AACS: variants seen among roughly 807,000 people sequenced by gnomAD.
The protein encoded by AACS is acetoacetyl-CoA synthetase.
In AACS, 69 loss-of-function variants were observed where a neutral mutation model predicts 83.1. The ratio of observed to expected loss-of-function variants is 0.83; its 90% CI spans 0.68 to 1.01. The LOEUF (loss-of-function observed/expected upper bound fraction) is 1.01. AACS is among the 50% of genes least tolerant of loss of function. The pLI, the probability that AACS is intolerant of heterozygous loss-of-function variation, is 0.00. For synonymous variants in AACS, 333 were observed against 343.4 expected (o/e 0.97, Z 0.33); for missense variants, 866 against 882.2 (o/e 0.98, Z 0.23).
chr12:125,089,606 C>T (rs1188855775), intron 4 of AACS, among the ~76,000 whole-genome samples: 4 of 152,112 alleles, frequency 2.6e-5, no homozygotes, highest in African/African-American at 4.8e-5. Flanking sequence ...GAATATGGCT[C>T]TTGACAGTAC....
At chr12:125,101,646 ACACT>A (rs1342782438) in intron 5 of AACS, 1 of 151,992 alleles carries the variant, frequency 6.6e-6, no homozygotes, top group Non-Finnish European at 1.5e-5. Flanking sequence ...GTGTAAACAC[ACACT>A]CTATACTCTT....
chr12:125,076,594 T>C lies in AACS; in HGVS notation c.341T>C (p.Val114Ala). 1 of 1,614,010 alleles carries C rather than the reference T, an allele frequency of 6.2e-7. No individual in the cohort carries two copies. ...NLLRHKENDR[V>A]ALYIAREGKE... ...CTGCGGCACAAAGAGAATGACAGAGTTGCCCTTTACATTGCAAGTAAGTCC... is the reference window on the plus strand; with the variant it reads ...CTGCGGCACAAAGAGAATGACAGAGCTGCCCTTTACATTGCAAGTAAGTCC... Residue 114 changes from valine to alanine, a missense_variant, in exon 3 of 18, where the codon GTT (valine) becomes GCT (alanine). By Grantham distance (64) the Val-to-Ala change is moderately conservative. Coordinates refer to ENST00000316519, the MANE Select transcript of AACS (RefSeq NM_023928.5).
At chr12:125,109,727 A>G (rs1466029430) in intron 8 of AACS, among the ~76,000 whole-genome samples, 2 of 152,176 alleles carry the variant, frequency 1.3e-5, no homozygotes, top group East Asian at 1.9e-4. Flanking sequence ...GTGGCACGTC[A>G]GTCGTCAGGT....
intron 5 of AACS, among the ~76,000 whole-genome samples, chr12:125,096,872 T>G (rs1184802511): frequency 1.8e-4 from 28 of 151,930 alleles, no homozygotes; most frequent in Admixed American, 1.8e-3. Context: ...TTTAGATGCC[T>G]TGTTCCAGTG....
Position 125,103,161 on chromosome 12 carries a change from A to G in AACS, c.767+80A>G, listed in dbSNP as rs562015159. On this transcript the variant is annotated intron_variant, in intron 7 of 17. Coordinates refer to ENST00000316519, the MANE Select transcript of AACS (RefSeq NM_023928.5). Reference sequence around the variant, plus strand: ...GGGGAAGTAGGCCTCTGGATCTTCTACTTGGGGTCACTCAGAGAATTTTAG... The same window carrying G: ...GGGGAAGTAGGCCTCTGGATCTTCTGCTTGGGGTCACTCAGAGAATTTTAG... 6.5e-5 allele frequency: 76 copies of G among 1,164,900 alleles called. No individual in the cohort carries two copies. The African/African-American group carries it at 1.2e-3, about 18-fold the overall frequency. 72.2% of individuals were successfully genotyped at this position (1,164,900 alleles called of 1,614,324 possible).
At chr12:125,119,706 G>T (rs901086563) in intron 10 of AACS, among the ~76,000 whole-genome samples, 1 of 152,208 alleles carries the variant, frequency 6.6e-6, no homozygotes. Flanking sequence ...GACACATGGG[G>T]ATTATAGGAG....
At chr12:125,114,589 A>T (rs1460074470) in intron 9 of AACS, 32 bp downstream of exon 9, 1 of 1,591,220 alleles carries the variant, frequency 6.3e-7, no homozygotes, top group Non-Finnish European at 8.6e-7. Flanking sequence ...GGCCTGTGCT[A>T]TACCACAATA....
intron 14 of AACS, 88 bp from the exon 15 acceptor site, chr12:125,133,915 T>A (rs1332700384): frequency 1.5e-6 from 2 of 1,354,198 alleles, no homozygotes; most frequent in African/African-American, 1.4e-5. Flanking sequence ...CCCAGTGATG[T>A]CTGCGGACCT....
At chr12:125,088,913 C>T (rs1196914898) in intron 4 of AACS, among the ~76,000 whole-genome samples, 1 of 152,174 alleles carries the variant, frequency 6.6e-6, no homozygotes, top group African/African-American at 2.4e-5. Context: ...CCAGAAAACA[C>T]TAGAAAATGA....
chr12:125,128,421 C>A, intron 13 of AACS, 147 bp downstream of exon 13: 1 of 660,502 alleles, frequency 1.5e-6, no homozygotes, highest in Non-Finnish European at 2.4e-6. Context: ...GATGTCCTTT[C>A]CCTCCAGCTT....
Position 125,142,415 on chromosome 12 carries a change from T to A in AACS, c.*186T>A. On this transcript the variant is annotated 3_prime_UTR_variant, in exon 18 of 18. Coordinates refer to ENST00000316519, the MANE Select transcript of AACS (RefSeq NM_023928.5). ...TGGGTACCTGGATCTTCCACACGAGTGGGATTCTGGCCTTCAGAGACCAGG... is the reference window on the plus strand; with the variant it reads ...TGGGTACCTGGATCTTCCACACGAGAGGGATTCTGGCCTTCAGAGACCAGG... The A allele has an allele frequency of 1.3e-6, 1 of 794,928 alleles. No individual in the cohort carries two copies. Among genetic ancestry groups the A allele is most frequent in the Non-Finnish European group, 1.9e-6 (1 of 519,872 alleles). 49.2% of individuals were successfully genotyped at this position (794,928 alleles called of 1,614,324 possible).
chr12:125,135,591 G>T, intron 16 of AACS, among the ~76,000 whole-genome samples: 1 of 152,206 alleles, frequency 6.6e-6, no homozygotes, highest in East Asian at 1.9e-4. Flanking sequence ...AGGCCGCAGA[G>T]TTGGTCAGAT....
rs367930757 is a variant in AACS, at chr12:125,074,927, G to A, written c.237+948G>A. On this transcript the variant is annotated intron_variant, in intron 2 of 17. Transcript: ENST00000316519. The stretch of plus-strand genomic sequence containing the variant: ...GATCCACCCGCCTCAGCCTCTCAAA[G>A]TGCTGGGATTACAGGCATTAGCCAC... 2.2e-4 allele frequency among the ~76,000 whole-genome samples: 33 copies of A among 149,352 alleles called. 1 individual carries two copies. The South Asian group carries it at 7.0e-3, about 32-fold the overall frequency.
At chr12:125,089,700 C>G (rs1462964079) in intron 4 of AACS, among the ~76,000 whole-genome samples, 1 of 152,052 alleles carries the variant, frequency 6.6e-6, no homozygotes, top group Non-Finnish European at 1.5e-5. Context: ...CATCCATCAA[C>G]CCATCCATCT....
Position 125,130,697 on chromosome 12 carries a change from A to T in AACS, c.1549+1237A>T, listed in dbSNP as rs1353728571. On this transcript the variant is annotated intron_variant, in intron 14 of 17. Coordinates refer to ENST00000316519, the MANE Select transcript of AACS (RefSeq NM_023928.5). This position sits in a 1 kb window ranked among gnomAD's most constrained non-coding sequence, Gnocchi z 4.9. ...TCTTGGAGAAGACAAGTACTTTGTG[A>T]CGTGTTATATTTCCATTTTTGCCTT... Among the ~76,000 whole-genome samples the T allele has an allele frequency of 6.6e-6, 1 of 152,198 alleles. No individual in the cohort carries two copies. The highest frequency in any genetic ancestry group is 1.9e-4 in the East Asian group (1 of 5,200).
At chr12:125,101,167 A>G (rs1384325715) in intron 5 of AACS, 1 of 152,194 alleles carries the variant, frequency 6.6e-6, no homozygotes, top group African/African-American at 2.4e-5. Context: ...GCCAGGAGGG[A>G]AGTGAATAGA....
At chr12:125,081,865 G>GA (rs937396655) in intron 3 of AACS, among the ~76,000 whole-genome samples, 49 of 144,202 alleles carry the variant, frequency 3.4e-4, no homozygotes, top group South Asian at 1.8e-3. Flanking sequence ...AGGCAAATAG[G>GA]AAAAAAAAAA....
rs60132843 is a variant in AACS, at chr12:125,114,588, T to G, written c.996+31T>G. ...GGCTTCCCCAGGTGCTGGCCTGTGC[T>G]ATACCACAATAGGGGCTTCCCTGGG... On this transcript the variant is annotated intron_variant, in intron 9 of 17. Transcript: ENST00000316519. 5.5e-3 allele frequency: 8,681 copies of G among 1,585,068 alleles called. 448 individuals carry two copies. The African/African-American group carries it at 0.1, about 19-fold the overall frequency.
rs1205402573 is a variant in AACS at position 125,129,968 on chromosome 12, G to T, written c.1549+508G>T. Among the ~76,000 whole-genome samples, 2 of 152,004 alleles carry T rather than the reference G, an allele frequency of 1.3e-5. No individual in the cohort carries two copies. Among genetic ancestry groups the T allele is most frequent in the Non-Finnish European group, 2.9e-5 (2 of 67,996 alleles). On this transcript the variant is annotated intron_variant, in intron 14 of 17. Coordinates refer to ENST00000316519, the MANE Select transcript of AACS (RefSeq NM_023928.5). The surrounding 1 kb of genome is among the most constrained non-coding windows in gnomAD (Gnocchi z 4.3). ...CACTCTCACATAGACTGACACCCTT[G>T]GGTGTCGTCTTTTGAGTGGTGCCTT... is the stretch of plus-strand genomic sequence containing the variant.
Sources: gnomAD v4.1 joint callset for allele counts (sites outside exome capture counted in the v4.1 genomes callset) on GRCh38, gnomAD v4.1.1 for gene constraint, Gnocchi (gnomAD v3.1) non-coding constraint, MANE v1.5 for transcripts, NCBI Gene and HGNC (gene_info 2026-07-23, HGNC 2026-07-21) for gene names.